The following GLI3 variants were observed in gnomAD, a reference collection of about 807,000 sequenced individuals.
GLI3 encodes GLI family zinc finger 3.
In GLI3, 20 loss-of-function variants were observed where a neutral mutation model predicts 100.8. The observed-to-expected ratio is 0.20, with a 90% confidence interval of 0.14 to 0.29. The LOEUF (loss-of-function observed/expected upper bound fraction) is 0.29. Ranked by LOEUF, GLI3 falls within the 10% of genes least tolerant of loss-of-function variation. GLI3 has a pLI of 1.00. For missense variants in GLI3, 2,040 were observed against 2,128.5 expected (o/e 0.96, Z 0.82); for synonymous variants, 938 against 860.5 (o/e 1.09, Z -1.58).
intron 3 of GLI3, among the ~76,000 whole-genome samples, chr7:42,112,412 C>T (rs1181627623): frequency 6.6e-6 from 1 of 151,872 alleles, no homozygotes; most frequent in East Asian, 1.9e-4. Context: ...TATTTGATAG[C>T]AAAACAGGGT....
At chr7:42,054,778 G>A (rs1234929260) in intron 4 of GLI3, among the ~76,000 whole-genome samples, 1 of 151,990 alleles carries the variant, frequency 6.6e-6, no homozygotes. Context: ...AAGCCTAGGA[G>A]TTCAAGATCA....
chr7:41,987,958 C>T (rs368504830), intron 10 of GLI3, among the ~76,000 whole-genome samples: 7 of 152,164 alleles, frequency 4.6e-5, no homozygotes, highest in Non-Finnish European at 8.8e-5. Flanking sequence ...TTAATATTAA[C>T]GTGACCTAAA....
Position 41,964,710 on chromosome 7 carries a change from T to G in GLI3, c.4363A>C (p.Thr1455Pro). 1.2e-6 allele frequency: 2 copies of G among 1,614,228 alleles called. No homozygotes were observed. The highest frequency in any genetic ancestry group is 1.7e-6 in the Non-Finnish European group (2 of 1,180,030). Residue 1455 changes from threonine to proline, a missense_variant, in exon 15 of 15, where the codon ACG (threonine) becomes CCG (proline). This residue lies in a region of GLI3 where 1,041 missense variants were observed against 924.0 expected (regional missense o/e 1.13). Coordinates refer to ENST00000395925, the MANE Select transcript of GLI3 (RefSeq NM_000168.6). ...GAAATAGAGAATGAACCAGCTTTCGTGTCTTGCTGACTGAAGCCCACGGTT... is the reference window on the plus strand; with the variant it reads ...GAAATAGAGAATGAACCAGCTTTCGGGTCTTGCTGACTGAAGCCCACGGTT... ...DQTVGFSQQD[T>P]KAGSFSISDA...
chr7:42,008,583 A>G (rs889097043), intron 10 of GLI3, among the ~76,000 whole-genome samples: 4 of 152,184 alleles, frequency 2.6e-5, no homozygotes, highest in Non-Finnish European at 5.9e-5. Flanking sequence ...AGCTGGGACT[A>G]TAGGCGCAAA....
intron 3 of GLI3, among the ~76,000 whole-genome samples, chr7:42,139,285 T>C (rs1178874558): frequency 1.3e-5 from 2 of 152,358 alleles, no homozygotes; most frequent in East Asian, 3.9e-4. Flanking sequence ...TTTTTATTTG[T>C]ACTTTGTGAT....
At chr7:42,092,301 C>G (rs1562724688) in intron 3 of GLI3, among the ~76,000 whole-genome samples, 1 of 152,176 alleles carries the variant, frequency 6.6e-6, no homozygotes, top group Non-Finnish European at 1.5e-5. Context: ...AACGAAGCAA[C>G]ACCTCATTAA....
intron 2 of GLI3, among the ~76,000 whole-genome samples, chr7:42,212,404 C>T (rs1788289156): frequency 6.6e-6 from 1 of 152,144 alleles, no homozygotes; most frequent in African/African-American, 2.4e-5. Flanking sequence ...ATGTAAATAT[C>T]TTCACACCCA....
At chr7:42,045,630 A>G (rs1784231263) in intron 5 of GLI3, 100 bp from the exon 6 acceptor site, 1 of 1,008,488 alleles carries the variant, frequency 9.9e-7, no homozygotes, top group African/African-American at 1.6e-5. Flanking sequence ...CACATCAGCA[A>G]TTCCTTTTAT....
intron 1 of GLI3, among the ~76,000 whole-genome samples, chr7:42,260,282 A>G (rs1487952795): frequency 6.6e-6 from 1 of 152,194 alleles, no homozygotes; most frequent in Non-Finnish European, 1.5e-5. Flanking sequence ...ATGTTCACAG[A>G]TCTGTTGGAA....
chr7:42,065,460 G>A (rs1015791895), intron 4 of GLI3, among the ~76,000 whole-genome samples: 1 of 151,640 alleles, frequency 6.6e-6, no homozygotes, highest in Non-Finnish European at 1.5e-5. Flanking sequence ...CTACATTGAG[G>A]GTATAATGCA....
chr7:42,191,901 G>A (rs796857100), intron 2 of GLI3, among the ~76,000 whole-genome samples: 3 of 152,108 alleles, frequency 2.0e-5, no homozygotes, highest in African/African-American at 7.2e-5. Flanking sequence ...GTCCTCATGA[G>A]AATCCATTTT....
At chr7:42,043,873 CACA>C (rs1193352655) in intron 6 of GLI3, among the ~76,000 whole-genome samples, 1 of 152,170 alleles carries the variant, frequency 6.6e-6, no homozygotes, top group Non-Finnish European at 1.5e-5. Context: ...TGCATAATAA[CACA>C]ACTTTTTTTT....
chr7:42,012,310 C>T (rs548407200), intron 10 of GLI3, among the ~76,000 whole-genome samples: 6 of 152,280 alleles, frequency 3.9e-5, no homozygotes, highest in Middle Eastern at 3.4e-3. Context: ...TTTCCTCTGC[C>T]GGCTTATCAG....
At chr7:42,181,875 T>A (rs73094377) in intron 2 of GLI3, among the ~76,000 whole-genome samples, 2,743 of 152,330 alleles carry the variant, frequency 0.018, 40 homozygotes, top group Non-Finnish European at 0.03. Context: ...ATCATCCATG[T>A]ACCGAACTTT....
At chr7:42,028,070 T>C (rs1185958173) in intron 7 of GLI3, among the ~76,000 whole-genome samples, 2 of 152,228 alleles carry the variant, frequency 1.3e-5, no homozygotes, top group Non-Finnish European at 2.9e-5. Flanking sequence ...GTTTGTCCAA[T>C]TTATTTTTCA....
chr7:42,041,800 C>T (rs746762410), intron 6 of GLI3, among the ~76,000 whole-genome samples: 11 of 151,970 alleles, frequency 7.2e-5, no homozygotes, highest in Non-Finnish European at 1.2e-4. Flanking sequence ...ATTGTCAATA[C>T]TATAGAAATA....
intron 10 of GLI3, among the ~76,000 whole-genome samples, chr7:42,014,950 C>G (rs1788716669): frequency 6.6e-6 from 1 of 152,226 alleles, no homozygotes; most frequent in African/African-American, 2.4e-5. Flanking sequence ...CATAAAAGTG[C>G]ACTTAATCTC....
intron 3 of GLI3, among the ~76,000 whole-genome samples, chr7:42,132,719 C>A (rs529608205): frequency 1.3e-5 from 2 of 152,306 alleles, no homozygotes; most frequent in South Asian, 4.1e-4. Flanking sequence ...GGCTTACAGC[C>A]TCACAATTGT....
intron 2 of GLI3, among the ~76,000 whole-genome samples, chr7:42,198,003 G>A (rs908137731): frequency 4.6e-5 from 7 of 152,118 alleles, no homozygotes; most frequent in Middle Eastern, 3.2e-3. Context: ...CTCTGCAAAC[G>A]CATCTTAACC....
Sources: gnomAD v4.1 joint callset for allele counts (sites outside exome capture counted in the v4.1 genomes callset) on GRCh38, gnomAD v4.1.1 for gene constraint, gnomAD v4.1.1 regional missense constraint, MANE v1.5 for transcripts, NCBI Gene and HGNC (gene_info 2026-07-23, HGNC 2026-07-21) for gene names.